The following EBF1 variants were observed in gnomAD, a reference collection of about 807,000 sequenced individuals.
EBF1 encodes EBF transcription factor 1.
EBF1 carries 10 observed loss-of-function variants against 68.4 expected under a neutral mutation model. That is an observed-to-expected ratio of 0.15 (90% confidence interval 0.09 to 0.25). The LOEUF (loss-of-function observed/expected upper bound fraction) is 0.25. Ranked by LOEUF, EBF1 falls within the 10% of genes least tolerant of loss-of-function variation. The pLI is 1.00. For synonymous variants in EBF1, 298 were observed against 299.8 expected (o/e 0.99, Z 0.06); for missense variants, 509 against 794.4 (o/e 0.64, Z 4.32).
chr5:158,748,697 G>C (rs1768122681), intron 10 of EBF1, among the ~76,000 whole-genome samples: 1 of 152,302 alleles, frequency 6.6e-6, no homozygotes, highest in South Asian at 2.1e-4. Flanking sequence ...TTCTGGGACT[G>C]AGCAGTAAGA....
intron 8 of EBF1, among the ~76,000 whole-genome samples, chr5:158,819,661 C>G (rs1415975886): frequency 5.9e-5 from 9 of 152,178 alleles, no homozygotes; most frequent in Admixed American, 5.9e-4. Context: ...CCACTCAGCT[C>G]CTTTCATCCC....
chr5:158,915,764 C>G (rs1049261822), intron 6 of EBF1, among the ~76,000 whole-genome samples: 7 of 152,092 alleles, frequency 4.6e-5, no homozygotes, highest in African/African-American at 1.7e-4. Flanking sequence ...AAGATGAAGA[C>G]ATAGTAAGTA....
chr5:158,751,624 A>C (rs1768921894), intron 10 of EBF1, among the ~76,000 whole-genome samples: 1 of 152,102 alleles, frequency 6.6e-6, no homozygotes, highest in Non-Finnish European at 1.5e-5. Flanking sequence ...GCAAATGCTT[A>C]ATCTATGTCT....
chr5:158,983,635 C>T (rs1468121475), intron 6 of EBF1: 5 of 152,032 alleles, frequency 3.3e-5, no homozygotes, highest in East Asian at 1.9e-4. Flanking sequence ...TAGCATTGAC[C>T]GGGTGACTAA....
At chr5:158,839,920 G>T in intron 7 of EBF1, 109 bp downstream of exon 7, 2 of 1,023,340 alleles carry the variant, frequency 2.0e-6, no homozygotes, top group Non-Finnish European at 3.0e-6. Flanking sequence ...GGCCTCAGCT[G>T]CTCTTCACCT....
At chr5:158,757,420 T>C (rs946919074) in intron 10 of EBF1, among the ~76,000 whole-genome samples, 1 of 152,128 alleles carries the variant, frequency 6.6e-6, no homozygotes, top group African/African-American at 2.4e-5. Context: ...CTTGAGGAAA[T>C]CAGACTTGTT....
At chr5:158,722,858 G>C (rs1762221855) in intron 11 of EBF1, among the ~76,000 whole-genome samples, 1 of 152,130 alleles carries the variant, frequency 6.6e-6, no homozygotes, top group Non-Finnish European at 1.5e-5. Flanking sequence ...CCATTCCTAA[G>C]GGCTTCAGTC....
At chr5:159,082,968 G>A (rs967120109) in intron 5 of EBF1, among the ~76,000 whole-genome samples, 4 of 152,152 alleles carry the variant, frequency 2.6e-5, no homozygotes, top group African/African-American at 9.7e-5. Context: ...AATATAAACT[G>A]CATTAATAGA....
chr5:159,094,951 G>C (rs1264163832), intron 4 of EBF1, among the ~76,000 whole-genome samples: 1 of 152,096 alleles, frequency 6.6e-6, no homozygotes, highest in Non-Finnish European at 1.5e-5. Flanking sequence ...TATACTGCTT[G>C]ACACCCGCGT....
At chr5:158,933,196 G>A (rs1465607149) in intron 6 of EBF1, among the ~76,000 whole-genome samples, 1 of 151,272 alleles carries the variant, frequency 6.6e-6, no homozygotes, top group Non-Finnish European at 1.5e-5. Context: ...ATTTTGACAT[G>A]TAAACTTTTT....
intron 6 of EBF1, among the ~76,000 whole-genome samples, chr5:159,026,030 A>C (rs2127727979): frequency 6.6e-6 from 1 of 152,330 alleles, no homozygotes; most frequent in Non-Finnish European, 1.5e-5. Flanking sequence ...GGAAGTGTGA[A>C]TGAAATAGAG....
intron 6 of EBF1, among the ~76,000 whole-genome samples, chr5:158,862,677 G>C (rs1795170633): frequency 6.6e-6 from 1 of 152,078 alleles, no homozygotes; most frequent in African/African-American, 2.4e-5. Flanking sequence ...TAGGGTGAGA[G>C]AAAGCTCATT....
At chr5:159,017,215 C>A (rs548827331) in intron 6 of EBF1, among the ~76,000 whole-genome samples, 1 of 152,216 alleles carries the variant, frequency 6.6e-6, no homozygotes, top group Non-Finnish European at 1.5e-5. Context: ...ATAACCACAT[C>A]TAGCTACCCT....
At chr5:159,014,207 A>G (rs1219064762) in intron 6 of EBF1, among the ~76,000 whole-genome samples, 1 of 152,230 alleles carries the variant, frequency 6.6e-6, no homozygotes, top group Non-Finnish European at 1.5e-5. Context: ...AGAAAAATAG[A>G]TATTAAACTA....
At chr5:158,861,540 T>C (rs1423707090) in intron 6 of EBF1, among the ~76,000 whole-genome samples, 1 of 152,218 alleles carries the variant, frequency 6.6e-6, no homozygotes, top group Non-Finnish European at 1.5e-5. Context: ...GCTCCCTCCA[T>C]TGGCCTGAGC....
intron 3 of EBF1, chr5:159,096,118 C>G: frequency 1.7e-6 from 1 of 589,884 alleles, no homozygotes; most frequent in South Asian, 2.1e-5. Context: ...AGGGATGAGG[C>G]ACTACACCTG....
chr5:158,824,703 T>C (rs1785652558), intron 7 of EBF1, among the ~76,000 whole-genome samples: 1 of 152,204 alleles, frequency 6.6e-6, no homozygotes, highest in Non-Finnish European at 1.5e-5. Flanking sequence ...TGTGTAACAC[T>C]CTTTCATCAG....
intron 6 of EBF1, among the ~76,000 whole-genome samples, chr5:158,930,798 G>A (rs1810713696): frequency 2.0e-5 from 3 of 151,912 alleles, no homozygotes; most frequent in African/African-American, 7.3e-5. Context: ...CAGGTCAGAG[G>A]CAAAGCAAGT....
At position 158,813,897 on chromosome 5, in the gene EBF1, A is replaced by G. The variant is rs542194787; in HGVS notation, c.778+9279T>C. 6.6e-5 allele frequency among the ~76,000 whole-genome samples: 10 copies of G among 152,346 alleles called. No homozygotes were observed. In the South Asian group the frequency reaches 2.1e-3, roughly 32 times the overall value. ...AGCACATCAAAGCTTCCACTTGCCC[A>G]TAAACATCATTTGAAGCCTCTGAAA... On this transcript the variant is annotated intron_variant, in intron 8 of 15. Transcript: ENST00000313708.
Sources: gnomAD v4.1 joint callset for allele counts (sites outside exome capture counted in the v4.1 genomes callset) on GRCh38, gnomAD v4.1.1 for gene constraint, MANE v1.5 for transcripts, NCBI Gene and HGNC (gene_info 2026-07-23, HGNC 2026-07-21) for gene names.